AKT2: variants seen among roughly 807,000 people sequenced by gnomAD.
AKT2 encodes the protein AKT serine/threonine kinase 2, also known as RAC-beta serine/threonine-protein kinase.
Under a neutral mutation model 58.6 loss-of-function variants are expected in AKT2, and 16 were observed. That is an observed-to-expected ratio of 0.27 (90% CI 0.18 to 0.41). The LOEUF (loss-of-function observed/expected upper bound fraction) is 0.41. Ranked by LOEUF, AKT2 falls within the 10% of genes least tolerant of loss-of-function variation. AKT2 has a pLI of 1.00. For synonymous variants in AKT2, 253 were observed against 254.0 expected (o/e 1.00, Z 0.04); for missense variants, 438 against 661.0 (o/e 0.66, Z 3.70).
At chr19:40,269,979 T>A (rs1415211185) in intron 1 of AKT2, among the ~76,000 whole-genome samples, 1 of 152,182 alleles carries the variant, frequency 6.6e-6, no homozygotes, top group Non-Finnish European at 1.5e-5. Context: ...CCCCCTTTGC[T>A]TCTCTGAGGG....
chr19:40,267,837 C>T (rs994032952), intron 1 of AKT2, among the ~76,000 whole-genome samples: 2 of 152,260 alleles, frequency 1.3e-5, no homozygotes, highest in Non-Finnish European at 2.9e-5. Context: ...GAAAAATACA[C>T]GAATATGCAA....
Position 40,238,253 on chromosome 19 carries a change from T to TA in AKT2, c.709-163dup, listed in dbSNP as rs200936089. 0.049 allele frequency among the ~76,000 whole-genome samples: 7,465 copies of TA among 152,048 alleles called. 274 individuals are homozygous for TA. The highest frequency in any genetic ancestry group is 0.088 in the Middle Eastern group (26 of 294). The stretch of plus-strand genomic sequence containing the variant: ...AATCAAGGCAGAGCGCAGAAGCTCA[T>TA]AAGTGACACAGAGCTGGGGGGAAGG... On this transcript the variant is annotated intron_variant, in intron 8 of 13. Transcript: ENST00000392038. This position sits in a 1 kb window ranked among gnomAD's most constrained non-coding sequence, Gnocchi z 5.1.
rs200380635 is a variant in AKT2 at position 40,262,310 on chromosome 19, C to T, written c.46+2912G>A. ...TCCTCACAATTGTATTCCTATTTTG[C>T]GGATGGGGAAACTGAGTCACAGAGA... On this transcript the variant is annotated intron_variant, in intron 2 of 13. Coordinates refer to ENST00000392038, the MANE Select transcript of AKT2 (RefSeq NM_001626.6). Among the ~76,000 whole-genome samples, 25 of 151,938 alleles carry T rather than the reference C, an allele frequency of 1.6e-4. No homozygotes were observed. In the East Asian group the frequency reaches 1.9e-3, roughly 12 times the overall value.
At chr19:40,254,734 C>A (rs538157657) in intron 4 of AKT2, among the ~76,000 whole-genome samples, 5 of 151,948 alleles carry the variant, frequency 3.3e-5, no homozygotes, top group African/African-American at 4.8e-5. Flanking sequence ...GAGGCTGAGG[C>A]AGGAAAATCG....
chr19:40,256,637 G>T (rs1037774522), intron 3 of AKT2, among the ~76,000 whole-genome samples: 7 of 152,224 alleles, frequency 4.6e-5, no homozygotes, highest in African/African-American at 1.4e-4. Flanking sequence ...ACCAGTTGGG[G>T]ACTCCAAGGC....
intron 4 of AKT2, among the ~76,000 whole-genome samples, chr19:40,245,033 C>A (rs1208030343): frequency 6.6e-6 from 1 of 152,228 alleles, no homozygotes; most frequent in Non-Finnish European, 1.5e-5. Flanking sequence ...TAACTGGGCA[C>A]GCCTTTTTCT....
chr19:40,258,167 C>A (rs1007288719), intron 2 of AKT2, among the ~76,000 whole-genome samples: 1 of 146,208 alleles, frequency 6.8e-6, no homozygotes, highest in Non-Finnish European at 1.5e-5. Context: ...CTCCTTGAAC[C>A]TGGGAGGCAG....
chr19:40,274,892 G>A, intron 1 of AKT2: 2 of 360,654 alleles, frequency 5.5e-6, no homozygotes, highest in South Asian at 4.1e-5. Flanking sequence ...GAGGCGAGCT[G>A]GGGAGTGGGG....
rs753694906 is a variant in AKT2 at position 40,242,112 on chromosome 19, A to T, written c.442-43T>A. ...AGTGGGGGCAGTCAGCGCCTGGCTC[A>T]TGGCCCGTGGGAGGAAATTTTAACA... On this transcript the variant is annotated intron_variant, in intron 5 of 13. Transcript: ENST00000392038. The surrounding 1 kb of genome is among the most constrained non-coding windows in gnomAD (Gnocchi z 4.3). 5.0e-6 allele frequency: 8 copies of T among 1,613,264 alleles called. No homozygotes were observed. The highest frequency in any genetic ancestry group is 6.8e-6 in the Non-Finnish European group (8 of 1,179,724).
Position 40,285,169 on chromosome 19 carries a change from T to A in AKT2, c.-85+12A>T. On this transcript the variant is annotated intron_variant, in intron 1 of 13. Transcript: ENST00000392038. ...GGGGGGGGCGTTCGGGGACACGCGC[T>A]GGCGCACTCACCTGTCACCGGCAGC... is the stretch of plus-strand genomic sequence containing the variant. 1 of 393,658 alleles carries A rather than the reference T, an allele frequency of 2.5e-6. No individual in the cohort carries two copies. Among genetic ancestry groups the A allele is most frequent in the Non-Finnish European group, 4.5e-6 (1 of 222,836 alleles). The allele number at this position is 393,658 out of a possible 1,614,324, so 24.4% of individuals were successfully genotyped here.
chr19:40,232,756 CCCG>C lies in AKT2; in HGVS notation c.*1113_*1115del, dbSNP rs1251030245. The C allele has an allele frequency of 2.6e-5, 6 of 233,496 alleles. No homozygotes were observed. Among genetic ancestry groups the C allele is most frequent in the Non-Finnish European group, 4.2e-5 (5 of 118,298 alleles). 14.5% of individuals were successfully genotyped at this position (233,496 alleles called of 1,614,324 possible). Reference sequence around the variant, plus strand: ...CACACACACCCACGTGTGCCTGCGTCCCGCCGACACACGCAGTCCGAGGCACGC... The same window carrying C: ...CACACACACCCACGTGTGCCTGCGTCCCGACACACGCAGTCCGAGGCACGC... On this transcript the variant is annotated 3_prime_UTR_variant, in exon 14 of 14. Transcript: ENST00000392038.
intron 1 of AKT2, among the ~76,000 whole-genome samples, chr19:40,280,312 C>G (rs1342824993): frequency 1.3e-5 from 2 of 152,210 alleles, no homozygotes; most frequent in African/African-American, 4.8e-5. Flanking sequence ...CCTCCTCTTT[C>G]CCTAAAAGTA....
intron 2 of AKT2, among the ~76,000 whole-genome samples, chr19:40,257,450 T>C (rs1197753177): frequency 6.6e-6 from 1 of 152,218 alleles, no homozygotes; most frequent in Non-Finnish European, 1.5e-5. Context: ...GATTCACCAA[T>C]ACAGCTGTGC....
intron 4 of AKT2, among the ~76,000 whole-genome samples, chr19:40,249,909 G>A (rs1050856180): frequency 2.0e-5 from 3 of 152,212 alleles, no homozygotes; most frequent in Non-Finnish European, 4.4e-5. Context: ...ACGCACTGGG[G>A]TGGCAACACT....
At chr19:40,264,028 A>T (rs2145355649) in intron 2 of AKT2, among the ~76,000 whole-genome samples, 1 of 150,696 alleles carries the variant, frequency 6.6e-6, no homozygotes, top group East Asian at 2.0e-4. Context: ...TCTGCCTGGG[A>T]GCTGTCTGCC....
At position 40,242,452 on chromosome 19, in the gene AKT2, T is replaced by A; in HGVS notation, c.441+82A>T. On this transcript the variant is annotated intron_variant, in intron 5 of 13. Transcript: ENST00000392038. The surrounding 1 kb of genome is among the most constrained non-coding windows in gnomAD (Gnocchi z 4.3). ...CTCAGCTGAGCCCCCTGAACTGTGT[T>A]ATGGAAACCAAGGAGAGCAGGCCAG... is the stretch of plus-strand genomic sequence containing the variant. 1 of 1,592,178 alleles carries A rather than the reference T, an allele frequency of 6.3e-7. No homozygotes were observed. Among genetic ancestry groups the A allele is most frequent in the Non-Finnish European group, 8.6e-7 (1 of 1,167,726 alleles).
At chr19:40,276,346 T>C (rs889633497) in intron 1 of AKT2, among the ~76,000 whole-genome samples, 1 of 2,874 alleles carries the variant, frequency 3.5e-4, no homozygotes, top group African/African-American at 1.3e-3. Flanking sequence ...AAATGGAATC[T>C]TTTTTTTTTT....
intron 1 of AKT2, among the ~76,000 whole-genome samples, chr19:40,276,701 A>T (rs2077332343): frequency 6.6e-6 from 1 of 150,840 alleles, no homozygotes; most frequent in African/African-American, 2.4e-5. Context: ...GCCCAAGCAC[A>T]TGTTTATGTT....
At chr19:40,273,289 A>G (rs978482735) in intron 1 of AKT2, among the ~76,000 whole-genome samples, 1 of 151,642 alleles carries the variant, frequency 6.6e-6, no homozygotes, top group South Asian at 2.1e-4. Flanking sequence ...TGGAGTAAGC[A>G]GAGATTGCAC....
Sources: allele counts gnomAD v4.1 joint callset (sites outside exome capture counted in the v4.1 genomes callset), GRCh38; gene constraint gnomAD v4.1.1; non-coding constraint Gnocchi (gnomAD v3.1); transcripts MANE v1.5; gene names NCBI Gene and HGNC (gene_info 2026-07-23, HGNC 2026-07-21).